ARHGAP29: variants seen among roughly 807,000 people sequenced by gnomAD.
ARHGAP29 encodes rho GTPase-activating protein 29.
A neutral mutation model predicts 122.6 loss-of-function variants in ARHGAP29; 43 were observed. That is an observed-to-expected ratio of 0.35 (90% confidence interval 0.27 to 0.45). The LOEUF (loss-of-function observed/expected upper bound fraction) is 0.45, where lower values mean the gene tolerates loss of function less well. Ranked by LOEUF, ARHGAP29 falls within the 20% of genes least tolerant of loss-of-function variation. ARHGAP29 has a pLI of 1.00. For missense variants in ARHGAP29, 1,303 were observed against 1,477.2 expected (o/e 0.88, Z 1.93); for synonymous variants, 506 against 497.1 (o/e 1.02, Z -0.24).
chr1:94,202,633 C>G lies in ARHGAP29; in HGVS notation c.1054G>C (p.Glu352Gln). The G allele has an allele frequency of 2.5e-6, 4 of 1,614,168 alleles. No individual in the cohort carries two copies. The highest frequency in any genetic ancestry group is 1.1e-5 in the South Asian group (1 of 91,080). The stretch of plus-strand genomic sequence containing the variant: ...AATCCGCCACTTGAAGACAGATGCT[C>G]CTCTTCTGCACGAAACATGGAAGAC... The part of the protein sequence containing the change: ...AKSSMFRAEE[E>Q]HLSSSGGLAK... The change falls in exon 11 of 23, where the codon GAG becomes CAG. Residue 352 changes from glutamate (E) to glutamine (Q), a missense_variant. Transcript: ENST00000260526.
chr1:94,233,768 T>A (rs925140631), intron 1 of ARHGAP29, among the ~76,000 whole-genome samples: 1 of 152,216 alleles, frequency 6.6e-6, no homozygotes, highest in African/African-American at 2.4e-5. Context: ...TGTATTATGT[T>A]TGTGTGTGGC....
intron 16 of ARHGAP29, 51 bp from the exon 17 acceptor site, chr1:94,185,532 C>T (rs764741264): frequency 3.2e-5 from 46 of 1,434,074 alleles, no homozygotes; most frequent in Admixed American, 4.2e-5. Context: ...AAAAATTATA[C>T]CATGTGATAT....
chr1:94,233,333 A>C (rs1003674748), intron 1 of ARHGAP29, among the ~76,000 whole-genome samples: 4 of 151,728 alleles, frequency 2.6e-5, no homozygotes, highest in African/African-American at 7.3e-5. Flanking sequence ...CCTATATCTC[A>C]CCCAACTCCA....
At position 94,174,645 on chromosome 1, in the gene ARHGAP29, T is replaced by G; in HGVS notation, c.3010A>C (p.Asn1004His). Reference sequence around the variant, plus strand: ...CTTGGAGTATGCCTCTCCACATTGTTTGTTGACCTATCAGATTTCAGAGAA... The same window carrying G: ...CTTGGAGTATGCCTCTCCACATTGTGTGTTGACCTATCAGATTTCAGAGAA... ...PLSLKSDRST[N>H]NVERHTPRTK... The change falls in exon 23 of 23, where the codon AAC (asparagine) becomes CAC (histidine). Residue 1004 changes from asparagine to histidine, a missense_variant. This residue lies in a region of ARHGAP29 where 620 missense variants were observed against 651.2 expected (regional missense o/e 0.95). Transcript: ENST00000260526. 6.2e-7 allele frequency: 1 copy of G among 1,614,112 alleles called. No individual in the cohort carries two copies. The highest frequency in any genetic ancestry group is 1.7e-5 in the Admixed American group (1 of 60,022).
the ARHGAP29 span, among the ~76,000 whole-genome samples, chr1:94,300,987 G>A: frequency 6.6e-6 from 1 of 152,170 alleles, no homozygotes; most frequent in East Asian, 1.9e-4. Flanking sequence ...AGGATGAAGT[G>A]CTTAGCAGAC....
the ARHGAP29 span, among the ~76,000 whole-genome samples, chr1:94,304,915 C>A: frequency 1.3e-5 from 2 of 152,202 alleles, no homozygotes. Context: ...AAAAGCAAAT[C>A]TGCTGGTGAG....
intron 3 of ARHGAP29, among the ~76,000 whole-genome samples, chr1:94,212,692 T>C (rs1179946741): frequency 6.6e-6 from 1 of 152,224 alleles, no homozygotes; most frequent in Non-Finnish European, 1.5e-5. Flanking sequence ...TGAACCATCT[T>C]ATCTTCATCC....
the ARHGAP29 span, among the ~76,000 whole-genome samples, chr1:94,300,252 G>T: frequency 6.6e-6 from 1 of 152,144 alleles, no homozygotes; most frequent in Non-Finnish European, 1.5e-5. Flanking sequence ...ATGAATACAT[G>T]AGCAGAGTCA....
intron 7 of ARHGAP29, among the ~76,000 whole-genome samples, chr1:94,204,717 G>A (rs1651084965): frequency 6.7e-6 from 1 of 149,648 alleles, no homozygotes; most frequent in Non-Finnish European, 1.5e-5. Context: ...CTATTAAAAT[G>A]TTTCTTCTCT....
the ARHGAP29 span, among the ~76,000 whole-genome samples, chr1:94,311,664 ACT>A: frequency 1.3e-5 from 2 of 151,540 alleles, no homozygotes; most frequent in Non-Finnish European, 2.9e-5. Flanking sequence ...CAGTCAACTC[ACT>A]CTTCCAGTCA....
At chr1:94,181,803 C>T (rs867840980) in intron 19 of ARHGAP29, among the ~76,000 whole-genome samples, 2 of 152,142 alleles carry the variant, frequency 1.3e-5, no homozygotes, top group Admixed American at 1.3e-4. Flanking sequence ...ATGGTGGCCA[C>T]AAGCCACATG....
intron 1 of ARHGAP29, among the ~76,000 whole-genome samples, chr1:94,259,323 G>A (rs1194589011): frequency 6.6e-6 from 1 of 152,176 alleles, no homozygotes; most frequent in Non-Finnish European, 1.5e-5. Flanking sequence ...TCATCCAACA[G>A]AGACTAGGAA....
chr1:94,199,779 C>G (rs114091452), intron 12 of ARHGAP29, among the ~76,000 whole-genome samples: 112 of 152,306 alleles, frequency 7.4e-4, no homozygotes, highest in African/African-American at 2.6e-3. Flanking sequence ...TCCCTACTTA[C>G]GCTTGCCAAA....
intron 3 of ARHGAP29, among the ~76,000 whole-genome samples, chr1:94,219,591 T>C (rs548835832): frequency 1.3e-5 from 2 of 152,164 alleles, no homozygotes. Flanking sequence ...TAGCCCATTA[T>C]TCCTAACAAT....
chr1:94,252,536 G>T (rs1654137250), intron 1 of ARHGAP29, among the ~76,000 whole-genome samples: 2 of 152,234 alleles, frequency 1.3e-5, no homozygotes, highest in African/African-American at 4.8e-5. Flanking sequence ...ACATTCAGGG[G>T]CAGGTTAGTA....
the ARHGAP29 span, among the ~76,000 whole-genome samples, chr1:94,313,079 C>T: frequency 1.3e-5 from 2 of 152,218 alleles, no homozygotes; most frequent in African/African-American, 4.8e-5. Context: ...TGTGTCAAAA[C>T]TTGAACTTCT....
chr1:94,200,361 C>T (rs1650762171), intron 12 of ARHGAP29, among the ~76,000 whole-genome samples: 1 of 152,152 alleles, frequency 6.6e-6, no homozygotes, highest in Non-Finnish European at 1.5e-5. Flanking sequence ...AGATAACACA[C>T]CTATTGGAAC....
upstream of ARHGAP29, among the ~76,000 whole-genome samples, chr1:94,240,637 G>A (rs899865764): frequency 5.9e-5 from 9 of 152,236 alleles, no homozygotes; most frequent in African/African-American, 2.2e-4. Context: ...ATTTCTGGAA[G>A]CAACATATAA....
chr1:94,186,695 T>A, intron 15 of ARHGAP29, 98 bp from the exon 16 acceptor site: 1 of 886,162 alleles, frequency 1.1e-6, no homozygotes, highest in South Asian at 1.7e-5. Flanking sequence ...CATACTATTT[T>A]ATTAGCTTCA....
Sources: gnomAD v4.1 joint callset for allele counts (sites outside exome capture counted in the v4.1 genomes callset) on GRCh38, gnomAD v4.1.1 for gene constraint, gnomAD v4.1.1 regional missense constraint, MANE v1.5 for transcripts, NCBI Gene and HGNC (gene_info 2026-07-23, HGNC 2026-07-21) for gene names.